Variants in WDFY3 observed in about 807,000 individuals in gnomAD.
WDFY3 encodes the protein WD repeat and FYVE domain-containing protein 3.
In WDFY3, 66 loss-of-function variants were observed where a neutral mutation model predicts 409.6. That is an observed-to-expected ratio of 0.16 (90% CI 0.13 to 0.20). The LOEUF is 0.20. Among genes scored for constraint, WDFY3 ranks in the 10% least tolerant of loss-of-function variants. The probability of loss-of-function intolerance (pLI) is 1.00; values close to 1 mark genes in which losing one functional copy is unlikely to be tolerated. For missense variants in WDFY3, 3,031 were observed against 4,298.1 expected, an observed-to-expected ratio of 0.71 and a Z score of 8.24; for synonymous variants, 1,521 against 1,537.1, an observed-to-expected ratio of 0.99 and a Z score of 0.25.
At chr4:84,959,948 T>C (rs1018795054) in intron 1 of WDFY3, among the ~76,000 whole-genome samples, 1 of 152,318 alleles carries the variant, frequency 6.6e-6, no homozygotes, top group East Asian at 1.9e-4. Flanking sequence ...TAACGCTTCT[T>C]ACAAGATCTG....
At chr4:84,803,725 GGATT>G in intron 15 of WDFY3, among the ~76,000 whole-genome samples, 1 of 152,050 alleles carries the variant, frequency 6.6e-6, no homozygotes, top group African/African-American at 2.4e-5. Context: ...TTTACTATAT[GGATT>G]GTTTGATTAA....
intron 67 of WDFY3, among the ~76,000 whole-genome samples, 154 bp from the exon 68 acceptor site, chr4:84,673,145 T>C (rs1348291983): frequency 1.3e-5 from 2 of 152,208 alleles, no homozygotes; most frequent in African/African-American, 4.8e-5. Flanking sequence ...AAAGGAAAGC[T>C]GTATTATTTG....
At chr4:84,673,895 ACGTGAGCCACTGTGC>A (rs1160646772) in intron 67 of WDFY3, among the ~76,000 whole-genome samples, 1 of 152,094 alleles carries the variant, frequency 6.6e-6, no homozygotes, top group Non-Finnish European at 1.5e-5. Flanking sequence ...GAGACTACAG[ACGTGAGCCACTGTGC>A]CTGGCCTTGA....
intron 2 of WDFY3, among the ~76,000 whole-genome samples, chr4:84,909,481 A>G (rs1767488714): frequency 6.6e-6 from 1 of 152,120 alleles, no homozygotes; most frequent in African/African-American, 2.4e-5. Flanking sequence ...AATGACATCT[A>G]ATGTTCTCCT....
chr4:84,692,019 G>C (rs2148860352), intron 59 of WDFY3, among the ~76,000 whole-genome samples: 1 of 152,250 alleles, frequency 6.6e-6, no homozygotes, highest in East Asian at 1.9e-4. Context: ...CCTATTTCTG[G>C]GCACTCTCTG....
At chr4:84,737,624 T>C (rs558507444) in intron 40 of WDFY3, among the ~76,000 whole-genome samples, 1 of 152,260 alleles carries the variant, frequency 6.6e-6, no homozygotes, top group South Asian at 2.1e-4. Context: ...AAATTGGAAA[T>C]TATATATATG....
intron 11 of WDFY3, among the ~76,000 whole-genome samples, chr4:84,820,817 T>C (rs976248730): frequency 6.6e-6 from 1 of 152,134 alleles, no homozygotes; most frequent in Non-Finnish European, 1.5e-5. Context: ...ATACTAGTCA[T>C]GTGGATCATA....
At chr4:84,933,935 C>A (rs911005753) in intron 1 of WDFY3, among the ~76,000 whole-genome samples, 1 of 152,024 alleles carries the variant, frequency 6.6e-6, no homozygotes, top group Non-Finnish European at 1.5e-5. Flanking sequence ...CTGATAGACA[C>A]TTAGTTTGCA....
At chr4:84,910,068 G>T (rs1357259674) in intron 2 of WDFY3, among the ~76,000 whole-genome samples, 1 of 152,080 alleles carries the variant, frequency 6.6e-6, no homozygotes, top group Non-Finnish European at 1.5e-5. Context: ...AAAATATTCA[G>T]AAAAAACAAA....
intron 3 of WDFY3, among the ~76,000 whole-genome samples, chr4:84,866,983 C>CA (rs1761479811): frequency 6.6e-6 from 1 of 152,184 alleles, no homozygotes; most frequent in Admixed American, 6.5e-5. Flanking sequence ...AGGCACTTAT[C>CA]AAACCTTTAT....
Position 84,690,584 on chromosome 4 carries a change from C to T in WDFY3, c.9285G>A (p.Thr3095=), listed in dbSNP as rs572326086. The T allele has an allele frequency of 6.2e-5, 100 of 1,614,150 alleles. No individual in the cohort carries two copies. In the South Asian group the frequency reaches 9.4e-4, roughly 15 times the overall value. ...AICPNPKLVI[T]GGTSTVVCVW... The stretch of plus-strand genomic sequence containing the variant: ...CACACACAACCGTGCTTGTTCCACC[C>T]GTGATGACCAGCTTGGGGTTGGGGC... The change falls in exon 61 of 68, where the codon ACG becomes ACA. Residue 3095 remains threonine, a synonymous_variant. Transcript: ENST00000295888.
chr4:84,861,476 A>G (rs1346495923), intron 3 of WDFY3, among the ~76,000 whole-genome samples: 1 of 152,206 alleles, frequency 6.6e-6, no homozygotes, highest in Non-Finnish European at 1.5e-5. Context: ...CAAATTGAAT[A>G]TAATACTATC....
intron 15 of WDFY3, among the ~76,000 whole-genome samples, chr4:84,805,598 A>G (rs1361251891): frequency 6.6e-6 from 1 of 152,170 alleles, no homozygotes; most frequent in Non-Finnish European, 1.5e-5. Flanking sequence ...GATAGGATAA[A>G]ATTACATTTC....
intron 58 of WDFY3, among the ~76,000 whole-genome samples, chr4:84,694,585 G>C (rs915524611): frequency 6.6e-6 from 1 of 152,122 alleles, no homozygotes; most frequent in African/African-American, 2.4e-5. Context: ...CTAAATAAAG[G>C]TATAGCTAAT....
intron 1 of WDFY3, among the ~76,000 whole-genome samples, chr4:84,956,757 T>A (rs1774284183): frequency 6.6e-6 from 1 of 152,168 alleles, no homozygotes; most frequent in African/African-American, 2.4e-5. Context: ...AGGGCTTCAG[T>A]TTTTTTAAGG....
chr4:84,921,557 T>A (rs1469726652), intron 2 of WDFY3, among the ~76,000 whole-genome samples: 3 of 151,508 alleles, frequency 2.0e-5, no homozygotes, highest in Non-Finnish European at 4.4e-5. Context: ...TGACATTTTA[T>A]CAAATGTTAC....
At chr4:84,795,409 C>G (rs192391332) in intron 19 of WDFY3, among the ~76,000 whole-genome samples, 2 of 152,228 alleles carry the variant, frequency 1.3e-5, no homozygotes, top group Admixed American at 6.5e-5. Context: ...TCTTAAAACA[C>G]AGAGGTTTCA....
At chr4:84,914,197 G>A (rs529157373) in intron 2 of WDFY3, among the ~76,000 whole-genome samples, 39 of 152,100 alleles carry the variant, frequency 2.6e-4, no homozygotes, top group African/African-American at 6.7e-4. Flanking sequence ...CGAGGCGGGC[G>A]GATCACAAGG....
At chr4:84,805,718 A>G (rs1751396809) in intron 15 of WDFY3, among the ~76,000 whole-genome samples, 1 of 152,184 alleles carries the variant, frequency 6.6e-6, no homozygotes, top group Non-Finnish European at 1.5e-5. Context: ...GCTTTGCTTA[A>G]CTTATCATCA....
Sources: allele counts gnomAD v4.1 joint callset (sites outside exome capture counted in the v4.1 genomes callset), GRCh38; gene constraint gnomAD v4.1.1; transcripts MANE v1.5; gene names NCBI Gene and HGNC (gene_info 2026-07-23, HGNC 2026-07-21).